The following RADIL variants were observed in gnomAD, a reference collection of about 807,000 sequenced individuals.
RADIL encodes the protein ras-associating and dilute domain-containing protein.
In RADIL, 99 loss-of-function variants were observed where a neutral mutation model predicts 97.6. That is an observed-to-expected ratio of 1.01 (90% CI 0.86 to 1.20). The LOEUF is 1.20. Among genes scored for constraint, RADIL ranks in the 50% most tolerant of loss-of-function variants. The pLI is 0.00. For synonymous variants in RADIL, 803 were observed against 691.8 expected, an observed-to-expected ratio of 1.16 and a Z score of -2.52; for missense variants, 1,765 against 1,498.9, an observed-to-expected ratio of 1.18 and a Z score of -2.93.
intron 7 of RADIL, among the ~76,000 whole-genome samples, 169 bp from the exon 8 acceptor site, chr7:4,816,634 G>A (rs915590676): frequency 3.3e-5 from 5 of 152,332 alleles, no homozygotes; most frequent in African/African-American, 1.2e-4. Context: ...TGTGGGATGT[G>A]GGGACACAGG....
chr7:4,844,348 GGC>G (rs1393152203), intron 2 of RADIL, among the ~76,000 whole-genome samples: 2 of 151,912 alleles, frequency 1.3e-5, no homozygotes, highest in Non-Finnish European at 2.9e-5. Flanking sequence ...GGGAGGCTGA[GGC>G]AGGAGAATTG....
At position 4,871,718 on chromosome 7, in the gene RADIL, T is replaced by G. The variant is rs146817795; in HGVS notation, c.535+5887A>C. 6.1e-3 allele frequency among the ~76,000 whole-genome samples: 934 copies of G among 152,294 alleles called. 10 individuals carry two copies. Among genetic ancestry groups the G allele is most frequent in the African/African-American group, 0.021 (891 of 41,574 alleles). On this transcript the variant is annotated intron_variant, in intron 2 of 14. Transcript: ENST00000399583. ...AGAAAACGGACCCCACTCGGGAGTC[T>G]TGCAGACGCATAGGAGCTAAGACCC... is the stretch of plus-strand genomic sequence containing the variant.
At chr7:4,832,705 C>G (rs1433031146) in intron 4 of RADIL, among the ~76,000 whole-genome samples, 1 of 137,420 alleles carries the variant, frequency 7.3e-6, no homozygotes, top group African/African-American at 2.7e-5. Context: ...CGCCACCGCA[C>G]TACAGCCTGG....
In RADIL at chr7:4,837,349, G is replaced by A. The variant is rs936202042; in HGVS notation, c.536-744C>T. On this transcript the variant is annotated intron_variant, in intron 2 of 14. Coordinates refer to ENST00000399583, the MANE Select transcript of RADIL (RefSeq NM_018059.5). The surrounding 1 kb of genome is among the most constrained non-coding windows in gnomAD (Gnocchi z 5.6). ...TGCCCCATCCATCTGTGCACCAGGC[G>A]AAACTCCCCTGGGGGTGGTGCTCTG... Among the ~76,000 whole-genome samples the A allele has an allele frequency of 6.6e-6, 1 of 152,296 alleles. No homozygotes were observed. Among genetic ancestry groups the A allele is most frequent in the East Asian group, 1.9e-4 (1 of 5,176 alleles).
chr7:4,845,741 A>T (rs1338862941), intron 2 of RADIL, among the ~76,000 whole-genome samples: 1 of 152,182 alleles, frequency 6.6e-6, no homozygotes, highest in Non-Finnish European at 1.5e-5. Context: ...TTAGAGTCTT[A>T]CTCAGGGAAC....
chr7:4,858,264 G>C (rs1196481855), intron 2 of RADIL: 1 of 152,180 alleles, frequency 6.6e-6, no homozygotes, highest in Non-Finnish European at 1.5e-5. Flanking sequence ...GAAAAGTGCA[G>C]AGTTAGAGGA....
At position 4,814,145 on chromosome 7, in the gene RADIL, T is replaced by C. The variant is rs768702352; in HGVS notation, c.2139+1133A>G. Among the ~76,000 whole-genome samples the C allele has an allele frequency of 6.6e-6, 1 of 152,198 alleles. No individual in the cohort carries two copies. The highest frequency in any genetic ancestry group is 1.5e-5 in the Non-Finnish European group (1 of 68,030). On this transcript the variant is annotated intron_variant, in intron 9 of 14. Coordinates refer to ENST00000399583, the MANE Select transcript of RADIL (RefSeq NM_018059.5). The surrounding 1 kb of genome is among the most constrained non-coding windows in gnomAD (Gnocchi z 4.5). ...TGCTTTCTGCCTTCCAAAATCGCAT[T>C]GCTTTTGCCTCCTCTAGATTTTATC... is the stretch of plus-strand genomic sequence containing the variant.
At chr7:4,855,487 T>C (rs1783804806) in intron 2 of RADIL, among the ~76,000 whole-genome samples, 1 of 152,028 alleles carries the variant, frequency 6.6e-6, no homozygotes, top group South Asian at 2.1e-4. Flanking sequence ...CCGTCAACTG[T>C]GCTAGATAAG....
rs957509022 is a variant in RADIL at position 4,859,536 on chromosome 7, G to A, written c.535+18069C>T. The A allele has an allele frequency of 1.4e-4, 30 of 208,594 alleles. No individual in the cohort carries two copies. In the South Asian group the frequency reaches 2.8e-3, roughly 19 times the overall value. The allele number at this position is 208,594 out of a possible 1,614,324, so 12.9% of individuals were successfully genotyped here. A position where few individuals can be genotyped will look rare whatever the true frequency, so the allele number is the denominator to read the frequency against. ...TCTGATCAAGACTGGCTCAGTAAAG[G>A]AAGTTACCAAATGAGCCTCAATCTA... On this transcript the variant is annotated intron_variant, in intron 2 of 14. Transcript: ENST00000399583.
At position 4,873,853 on chromosome 7, in the gene RADIL, G is replaced by A. The variant is rs1784308563; in HGVS notation, c.535+3752C>T. 6.6e-6 allele frequency among the ~76,000 whole-genome samples: 1 copy of A among 152,340 alleles called. No homozygotes were observed. Among genetic ancestry groups the A allele is most frequent in the Admixed American group, 6.5e-5 (1 of 15,302 alleles). ...GGTGTTAGGAAAGCCTCCCCACCAC[G>A]ATTCTTCCACGTCACTCCAACCTGA... On this transcript the variant is annotated intron_variant, in intron 2 of 14. Transcript: ENST00000399583. This position sits in a 1 kb window ranked among gnomAD's most constrained non-coding sequence, Gnocchi z 4.3.
chr7:4,871,495 A>G (rs901544867), intron 2 of RADIL, among the ~76,000 whole-genome samples: 4 of 152,170 alleles, frequency 2.6e-5, no homozygotes, highest in Non-Finnish European at 5.9e-5. Flanking sequence ...CGGGACGACA[A>G]ATGCAAACTC....
intron 2 of RADIL, among the ~76,000 whole-genome samples, chr7:4,838,931 TCGTGCACACATGCATGCACA>T (rs917191046): frequency 4.6e-5 from 7 of 152,126 alleles, no homozygotes; most frequent in South Asian, 2.1e-4. Context: ...ACCCGTGCAC[TCGTGCACACATGCATGCACA>T]CGTGCACACG....
chr7:4,797,753 G>C lies in RADIL; in HGVS notation c.*1625C>G, dbSNP rs113294437. ...TCCCAGCACTTTGGGAGGGCAAGGC[G>C]GGCAGATCACTTGATGTCAGTTTGA... On this transcript the variant is annotated 3_prime_UTR_variant, in exon 15 of 15. Transcript: ENST00000399583. 7 of 152,166 alleles carry C rather than the reference G, an allele frequency of 4.6e-5. No individual in the cohort carries two copies. Among genetic ancestry groups the C allele is most frequent in the Non-Finnish European group, 1.0e-4 (7 of 68,058 alleles). 9.4% of individuals were successfully genotyped at this position (152,166 alleles called of 1,614,324 possible).
intron 2 of RADIL, among the ~76,000 whole-genome samples, chr7:4,864,092 A>G (rs536928613): frequency 5.3e-5 from 8 of 152,380 alleles, no homozygotes; most frequent in African/African-American, 1.9e-4. Context: ...ATTGCCAGAA[A>G]TATAAATACC....
chr7:4,863,284 CCCT>C (rs1397871817), intron 2 of RADIL, among the ~76,000 whole-genome samples: 1 of 152,172 alleles, frequency 6.6e-6, no homozygotes, highest in Non-Finnish European at 1.5e-5. Context: ...ATGTTTTTCC[CCCT>C]ACCTTTTATT....
Position 4,816,464 on chromosome 7 carries a change from G to T in RADIL, c.1730C>A (p.Ser577Tyr), listed in dbSNP as rs1347118704. The change falls in exon 8 of 15, where the codon TCC becomes TAC. Residue 577 changes from serine (S) to tyrosine (Y), a missense_variant and splice_region_variant. By Grantham distance (144) the Ser-to-Tyr change is moderately radical. Transcript: ENST00000399583. Reference sequence around the variant, plus strand: ...GAGTGCCGGGAGGCAGATGTACAGGGACTGGCGGGGGCAAGAGGAGAACAG... The same window carrying T: ...GAGTGCCGGGAGGCAGATGTACAGGTACTGGCGGGGGCAAGAGGAGAACAG... ...FQQCVYYVSKSLYICLPALLE... is the reference protein window; with the variant it reads ...FQQCVYYVSKYLYICLPALLE... 2 of 1,603,720 alleles carry T rather than the reference G, an allele frequency of 1.2e-6. No individual in the cohort carries two copies. The highest frequency in any genetic ancestry group is 1.1e-5 in the South Asian group (1 of 90,308).
At chr7:4,876,607 AT>A (rs1415250147) in intron 2 of RADIL, among the ~76,000 whole-genome samples, 1 of 149,986 alleles carries the variant, frequency 6.7e-6, no homozygotes, top group African/African-American at 2.5e-5. Flanking sequence ...GGCCAAAATT[AT>A]TTTTTATGAC....
rs1032378682 is a variant in RADIL at position 4,821,974 on chromosome 7, G to C, written c.1615+420C>G. Among the ~76,000 whole-genome samples, 3 of 152,026 alleles carry C rather than the reference G, an allele frequency of 2.0e-5. No individual in the cohort carries two copies. Among genetic ancestry groups the C allele is most frequent in the South Asian group, 2.1e-4 (1 of 4,818 alleles). On this transcript the variant is annotated intron_variant, in intron 6 of 14. Coordinates refer to ENST00000399583, the MANE Select transcript of RADIL (RefSeq NM_018059.5). This position sits in a 1 kb window ranked among gnomAD's most constrained non-coding sequence, Gnocchi z 5.2. ...ATCTGTCCTTCTGGAATAACGGTGTGTCTCAGAACGGGCGGCGGTCTCATG... is the reference window on the plus strand; with the variant it reads ...ATCTGTCCTTCTGGAATAACGGTGTCTCTCAGAACGGGCGGCGGTCTCATG...
chr7:4,844,747 T>C (rs527943047), intron 2 of RADIL, among the ~76,000 whole-genome samples: 12 of 151,962 alleles, frequency 7.9e-5, no homozygotes, highest in Middle Eastern at 3.4e-3. Context: ...TGGGACTACA[T>C]GTGCACACCA....
Sources: allele counts gnomAD v4.1 joint callset (sites outside exome capture counted in the v4.1 genomes callset), GRCh38; gene constraint gnomAD v4.1.1; non-coding constraint Gnocchi (gnomAD v3.1); transcripts MANE v1.5; gene names NCBI Gene and HGNC (gene_info 2026-07-23, HGNC 2026-07-21).